The following ZNF385D variants were observed in gnomAD, a reference collection of about 807,000 sequenced individuals.
The protein encoded by ZNF385D is zinc finger protein 659.
Under a neutral mutation model 35.8 loss-of-function variants are expected in ZNF385D, and 15 were observed. That is an observed-to-expected ratio of 0.42 (90% CI 0.28 to 0.64). The LOEUF is 0.64. Among genes scored for constraint, ZNF385D ranks in the 30% least tolerant of loss-of-function variants. ZNF385D has a pLI of 0.23. For missense variants in ZNF385D, 474 were observed against 494.6 expected (o/e 0.96, Z 0.39); for synonymous variants, 212 against 186.8 (o/e 1.13, Z -1.10).
intron 3 of ZNF385D, among the ~76,000 whole-genome samples, chr3:21,564,347 A>G (rs1199980167): frequency 6.6e-6 from 1 of 152,162 alleles, no homozygotes; most frequent in Non-Finnish European, 1.5e-5. Context: ...TAAAAATATT[A>G]AACTGCAAGT....
chr3:22,071,017 C>A (rs1229896179), intron 3 of ZNF385D, among the ~76,000 whole-genome samples: 2 of 152,000 alleles, frequency 1.3e-5, no homozygotes, highest in African/African-American at 4.8e-5. Context: ...TGTTCAGTTG[C>A]CAAATCTATG....
At chr3:22,122,999 T>C (rs1193687079) in intron 3 of ZNF385D, among the ~76,000 whole-genome samples, 1 of 152,184 alleles carries the variant, frequency 6.6e-6, no homozygotes, top group Non-Finnish European at 1.5e-5. Context: ...AAGACTACTT[T>C]TATTCCAAAT....
chr3:22,324,032 G>T (rs566265912), intron 2 of ZNF385D, among the ~76,000 whole-genome samples: 1 of 152,076 alleles, frequency 6.6e-6, no homozygotes, highest in South Asian at 2.1e-4. Flanking sequence ...AGGATTAAAA[G>T]ATATCATGAA....
chr3:21,943,623 C>G (rs1205329707), intron 3 of ZNF385D, among the ~76,000 whole-genome samples: 1 of 151,954 alleles, frequency 6.6e-6, no homozygotes, highest in African/African-American at 2.4e-5. Context: ...AGGGAAATGT[C>G]TTTTATGTAC....
chr3:22,009,935 GA>G (rs398091346), intron 3 of ZNF385D, among the ~76,000 whole-genome samples: 1 of 105,748 alleles, frequency 9.5e-6, no homozygotes, highest in East Asian at 2.7e-4. Flanking sequence ...TAAAAGAAAT[GA>G]AAAATATGAA....
intron 2 of ZNF385D, among the ~76,000 whole-genome samples, chr3:21,589,416 C>T (rs1293670905): frequency 6.6e-6 from 1 of 152,052 alleles, no homozygotes; most frequent in African/African-American, 2.4e-5. Flanking sequence ...ATTTTGTACC[C>T]TATACAAAAA....
chr3:21,687,683 T>C (rs2067150536), intron 1 of ZNF385D, among the ~76,000 whole-genome samples: 1 of 152,164 alleles, frequency 6.6e-6, no homozygotes, highest in African/African-American at 2.4e-5. Flanking sequence ...TATAGTATCA[T>C]AAAGAACAGT....
chr3:21,893,086 G>T (rs564213575), intron 3 of ZNF385D, among the ~76,000 whole-genome samples: 8 of 152,264 alleles, frequency 5.3e-5, no homozygotes, highest in African/African-American at 1.9e-4. Flanking sequence ...AATGGTGGCT[G>T]TAACACTCCC....
intron 1 of ZNF385D, among the ~76,000 whole-genome samples, chr3:21,735,527 T>G (rs1244117661): frequency 6.6e-6 from 1 of 152,170 alleles, no homozygotes; most frequent in Non-Finnish European, 1.5e-5. Context: ...ATATATAAAA[T>G]TCTTCTATTG....
At chr3:22,123,930 C>A (rs914593335) in intron 3 of ZNF385D, among the ~76,000 whole-genome samples, 4 of 71,930 alleles carry the variant, frequency 5.6e-5, no homozygotes, top group African/African-American at 2.0e-4. Context: ...CCATCTCTCT[C>A]TCTCTCTCTC....
chr3:22,094,054 T>C (rs989282795), intron 3 of ZNF385D, among the ~76,000 whole-genome samples: 2 of 152,112 alleles, frequency 1.3e-5, no homozygotes, highest in African/African-American at 4.8e-5. Flanking sequence ...TGACTGGATT[T>C]TATTGTCAAT....
Position 22,105,465 on chromosome 3 carries a change from A to C in ZNF385D, c.325+63352T>G, listed in dbSNP as rs143167498. 3.6e-4 allele frequency among the ~76,000 whole-genome samples: 55 copies of C among 152,290 alleles called. 1 individual carries two copies. Among genetic ancestry groups the C allele is most frequent in the Non-Finnish European group, 6.3e-4 (43 of 68,018 alleles). Reference sequence around the variant, plus strand: ...TATACAGAGAGAGAAAGAGAGACTTAATATAAAATATTGGCTCACACAATT... The same window carrying C: ...TATACAGAGAGAGAAAGAGAGACTTCATATAAAATATTGGCTCACACAATT... On this transcript the variant is annotated intron_variant, in intron 3 of 5. Coordinates refer to the ZNF385D transcript ENST00000494108.
intron 2 of ZNF385D, among the ~76,000 whole-genome samples, chr3:22,311,278 TAC>T (rs1028692176): frequency 1.3e-5 from 2 of 152,062 alleles, no homozygotes; most frequent in Non-Finnish European, 2.9e-5. Context: ...ACTTAAATGA[TAC>T]AGAGTGAAAC....
chr3:22,131,126 G>GA (rs1002806046), intron 3 of ZNF385D, among the ~76,000 whole-genome samples: 2 of 152,010 alleles, frequency 1.3e-5, no homozygotes, highest in Non-Finnish European at 2.9e-5. Context: ...TAAGATAATG[G>GA]AAAAAACAAA....
chr3:21,753,783 TTGTTGTTGTGTG>T (rs1559587702), upstream of ZNF385D, among the ~76,000 whole-genome samples: 2 of 108,532 alleles, frequency 1.8e-5, no homozygotes, highest in African/African-American at 6.9e-5. Flanking sequence ...GTTGTTGTTG[TTGTTGTTGTGTG>T]TGTGTGTGTG....
chr3:22,262,464 T>C (rs1298072329), intron 2 of ZNF385D, among the ~76,000 whole-genome samples: 1 of 151,962 alleles, frequency 6.6e-6, no homozygotes, highest in East Asian at 1.9e-4. Context: ...TTTAAAAATA[T>C]TAAGAATAAA....
chr3:22,058,334 CT>C (rs1458598331), intron 3 of ZNF385D, among the ~76,000 whole-genome samples: 4 of 152,230 alleles, frequency 2.6e-5, no homozygotes, highest in Non-Finnish European at 5.9e-5. Context: ...CAAGCCGCCC[CT>C]ATTGTCAACA....
intron 1 of ZNF385D, among the ~76,000 whole-genome samples, chr3:21,736,107 AC>A (rs2069230900): frequency 6.6e-6 from 1 of 152,188 alleles, no homozygotes. Context: ...GGGAAACTTA[AC>A]CTTCTTAAGC....
intron 3 of ZNF385D, among the ~76,000 whole-genome samples, chr3:21,876,405 G>C (rs1337849768): frequency 6.6e-6 from 1 of 151,190 alleles, no homozygotes; most frequent in Non-Finnish European, 1.5e-5. Context: ...GACTGCCTGT[G>C]AGTTTTATCT....
Sources: gnomAD v4.1 joint callset for allele counts (sites outside exome capture counted in the v4.1 genomes callset) on GRCh38, gnomAD v4.1.1 for gene constraint, MANE v1.5 for transcripts, NCBI Gene and HGNC (gene_info 2026-07-23, HGNC 2026-07-21) for gene names.